CCDC50: variants seen among roughly 807,000 people sequenced by gnomAD.
The protein encoded by CCDC50 is coiled-coil domain-containing protein 50.
In CCDC50, 54 loss-of-function variants were observed where a neutral mutation model predicts 70.2. The observed-to-expected ratio is 0.77, with a 90% CI of 0.62 to 0.96. The LOEUF (loss-of-function observed/expected upper bound fraction) is 0.96. Among genes scored for constraint, CCDC50 ranks in the 50% least tolerant of loss-of-function variants. CCDC50 has a pLI of 0.00. For synonymous variants in CCDC50, 216 were observed against 198.8 expected (o/e 1.09, Z -0.73); for missense variants, 558 against 578.7 (o/e 0.96, Z 0.37).
intron 1 of CCDC50, among the ~76,000 whole-genome samples, chr3:191,334,520 A>G (rs567582316): frequency 6.6e-6 from 1 of 152,312 alleles, no homozygotes; most frequent in African/African-American, 2.4e-5. Flanking sequence ...CTTATTTTCC[A>G]GATGAAAATC....
rs75212340 is a variant in CCDC50, at chr3:191,342,172, G to A, written c.49+12449G>A. 1.1e-3 allele frequency among the ~76,000 whole-genome samples: 164 copies of A among 152,248 alleles called. 4 individuals carry two copies. The East Asian group carries it at 0.024, about 22-fold the overall frequency. The stretch of plus-strand genomic sequence containing the variant: ...TTTCTGTTCCTAACTTTTGATTTCC[G>A]TAATCCAAGATTTCCAGAAATGTGT... On this transcript the variant is annotated intron_variant, in intron 1 of 11. Transcript: ENST00000392455.
At chr3:191,330,673 C>T (rs10937477) in intron 1 of CCDC50, 66,437 of 152,046 alleles carry the variant, frequency 0.44, 17,604 homozygotes, top group East Asian at 0.92. Flanking sequence ...TAGCCTGAGG[C>T]GTCTTGGAGA....
At chr3:191,381,504 C>T (rs1290920041) in intron 9 of CCDC50, among the ~76,000 whole-genome samples, 2 of 152,154 alleles carry the variant, frequency 1.3e-5, no homozygotes. Context: ...TAAGCAGTTA[C>T]TGCAATTCAT....
chr3:191,365,296 C>G lies in CCDC50; in HGVS notation c.330+4137C>G, dbSNP rs377131456. Reference sequence around the variant, plus strand: ...ACCAATTCACATTGAAAAAATGAATCTAGTATGAGCCATGGTACTTACACA... The same window carrying G: ...ACCAATTCACATTGAAAAAATGAATGTAGTATGAGCCATGGTACTTACACA... On this transcript the variant is annotated intron_variant, in intron 4 of 11. Coordinates refer to ENST00000392455, the MANE Select transcript of CCDC50 (RefSeq NM_178335.3). 4.0e-5 allele frequency among the ~76,000 whole-genome samples: 6 copies of G among 151,422 alleles called. No individual in the cohort carries two copies. The South Asian group carries it at 6.3e-4, about 16-fold the overall frequency.
chr3:191,336,435 T>A (rs558941391), intron 1 of CCDC50, among the ~76,000 whole-genome samples: 1 of 152,288 alleles, frequency 6.6e-6, no homozygotes, highest in South Asian at 2.1e-4. Context: ...ATGTTGTGCC[T>A]TTTTTCTTGT....
intron 3 of CCDC50, among the ~76,000 whole-genome samples, chr3:191,358,727 GT>G (rs1484351435): frequency 6.6e-6 from 1 of 152,142 alleles, no homozygotes; most frequent in Non-Finnish European, 1.5e-5. Flanking sequence ...CTTTTATTCT[GT>G]TTCAGTGTTA....
intron 1 of CCDC50, among the ~76,000 whole-genome samples, chr3:191,341,463 A>G (rs182518785): frequency 1.1e-4 from 16 of 152,296 alleles, no homozygotes; most frequent in African/African-American, 3.4e-4. Context: ...TCTGTACTCA[A>G]GATACTCACA....
intron 3 of CCDC50, among the ~76,000 whole-genome samples, chr3:191,360,215 G>T (rs1712436010): frequency 6.6e-6 from 1 of 152,246 alleles, no homozygotes; most frequent in Admixed American, 6.5e-5. Context: ...TTTCCCAGGA[G>T]TCTGTATAAT....
chr3:191,398,245 A>G lies in CCDC50; in HGVS notation c.*6485A>G, dbSNP rs1373314867. The G allele has an allele frequency of 6.6e-6, 1 of 152,156 alleles. No individual in the cohort carries two copies. Among genetic ancestry groups the G allele is most frequent in the Admixed American group, 6.5e-5 (1 of 15,278 alleles). The allele number at this position is 152,156 out of a possible 1,614,324, so 9.4% of individuals were successfully genotyped here. On this transcript the variant is annotated 3_prime_UTR_variant, in exon 12 of 12. Coordinates refer to ENST00000392455, the MANE Select transcript of CCDC50 (RefSeq NM_178335.3). ...TTCATCTATGCAAACTTGTGTTTTC[A>G]TGGTTTGTTTTTTACACTATATTTC...
At chr3:191,348,504 C>T (rs906384138) in intron 1 of CCDC50, among the ~76,000 whole-genome samples, 1 of 142,254 alleles carries the variant, frequency 7.0e-6, no homozygotes, top group Non-Finnish European at 1.6e-5. Flanking sequence ...ACTTTGTGGA[C>T]AGTCTAGTAG....
chr3:191,353,462 T>G lies in CCDC50; in HGVS notation c.50-3626T>G, dbSNP rs1047047366. Among the ~76,000 whole-genome samples, 5 of 141,214 alleles carry G rather than the reference T, an allele frequency of 3.5e-5. 1 individual carries two copies. Among genetic ancestry groups the G allele is most frequent in the African/African-American group, 1.3e-4 (5 of 39,658 alleles). 92.6% of individuals were successfully genotyped at this position (141,214 alleles called of 152,430 possible). Reference sequence around the variant, plus strand: ...GTGCCCACAGAGAAAGGTGGGAAGATGAGTGTATGCCGTTTATCCTCAGTA... The same window carrying G: ...GTGCCCACAGAGAAAGGTGGGAAGAGGAGTGTATGCCGTTTATCCTCAGTA... On this transcript the variant is annotated intron_variant, in intron 1 of 11. Coordinates refer to ENST00000392455, the MANE Select transcript of CCDC50 (RefSeq NM_178335.3).
chr3:191,369,612 G>A (rs917360693), intron 4 of CCDC50, among the ~76,000 whole-genome samples: 3 of 152,096 alleles, frequency 2.0e-5, no homozygotes, highest in African/African-American at 7.2e-5. Flanking sequence ...TTGGAAAGAG[G>A]GCCCACAAAT....
At chr3:191,343,561 A>G (rs559368976) in intron 1 of CCDC50, among the ~76,000 whole-genome samples, 17 of 152,336 alleles carry the variant, frequency 1.1e-4, no homozygotes, top group African/African-American at 3.1e-4. Flanking sequence ...CTTTTTACTC[A>G]TCTTTATGAT....
intron 1 of CCDC50, among the ~76,000 whole-genome samples, chr3:191,338,926 GT>G (rs983476194): frequency 1.4e-4 from 21 of 152,106 alleles, no homozygotes; most frequent in African/African-American, 4.8e-4. Context: ...TTTTGTTGCT[GT>G]TACTAGAGTA....
intron 3 of CCDC50, among the ~76,000 whole-genome samples, chr3:191,360,159 G>A (rs546472194): frequency 1.1e-3 from 174 of 152,334 alleles, no homozygotes; most frequent in Non-Finnish European, 1.5e-3. Context: ...CCGGGCTGCC[G>A]TAAGTCAGGA....
chr3:191,359,917 A>C lies in CCDC50; in HGVS notation c.240-1152A>C, dbSNP rs371388459. ...GAAATTATCAAGACAAACCACTCAA[A>C]TATAAATCAGGAGTAGAGAGTGATA... On this transcript the variant is annotated intron_variant, in intron 3 of 11. Coordinates refer to ENST00000392455, the MANE Select transcript of CCDC50 (RefSeq NM_178335.3). Among the ~76,000 whole-genome samples the C allele has an allele frequency of 6.6e-5, 10 of 152,330 alleles. No individual in the cohort carries two copies. The East Asian group carries it at 1.7e-3, about 26-fold the overall frequency.
At chr3:191,344,631 T>C (rs145964278) in intron 1 of CCDC50, among the ~76,000 whole-genome samples, 4 of 152,298 alleles carry the variant, frequency 2.6e-5, no homozygotes, top group Admixed American at 2.0e-4. Context: ...CAGGCTGGAT[T>C]GCAGTAGCAC....
Position 191,391,984 on chromosome 3 carries a change from C to T in CCDC50, c.*224C>T, listed in dbSNP as rs1047301616. On this transcript the variant is annotated 3_prime_UTR_variant, in exon 12 of 12. Transcript: ENST00000392455. ...TGTAGCTTCTGAATATTGGCCACCT[C>T]TATGCTGCATATACTTCTTGGGATA... is the stretch of plus-strand genomic sequence containing the variant. 10 of 564,632 alleles carry T rather than the reference C, an allele frequency of 1.8e-5. No individual in the cohort carries two copies. The highest frequency in any genetic ancestry group is 2.2e-5 in the Non-Finnish European group (7 of 314,502). 35.0% of individuals were successfully genotyped at this position (564,632 alleles called of 1,614,324 possible). A position where few individuals can be genotyped will look rare whatever the true frequency, so the allele number is the denominator to read the frequency against.
chr3:191,388,276 G>A (rs1328094582), intron 10 of CCDC50, among the ~76,000 whole-genome samples: 1 of 152,050 alleles, frequency 6.6e-6, no homozygotes, highest in Non-Finnish European at 1.5e-5. Flanking sequence ...CTTTTATACA[G>A]ATGATGCTGC....
Sources: allele counts gnomAD v4.1 joint callset (sites outside exome capture counted in the v4.1 genomes callset), GRCh38; gene constraint gnomAD v4.1.1; transcripts MANE v1.5; gene names NCBI Gene and HGNC (gene_info 2026-07-23, HGNC 2026-07-21).